Variants in MED20 observed in about 807,000 individuals in gnomAD.
The protein encoded by MED20 is mediator of RNA polymerase II transcription subunit 20.
In MED20, 19 loss-of-function variants were observed where a neutral mutation model predicts 19.7. That is an observed-to-expected ratio of 0.96 (90% CI 0.67 to 1.42). The LOEUF (loss-of-function observed/expected upper bound fraction) is 1.42. MED20 is among the 40% of genes most tolerant of loss of function. The pLI is 0.00. For missense variants in MED20, 225 were observed against 273.0 expected (o/e 0.82, Z 1.24); for synonymous variants, 105 against 104.8 (o/e 1.00, Z -0.01).
chr6:41,914,227 G>T (rs1452455883), intron 2 of MED20, among the ~76,000 whole-genome samples: 1 of 152,218 alleles, frequency 6.6e-6, no homozygotes, highest in East Asian at 1.9e-4. Context: ...GGGCTGCCTA[G>T]CAGAAGCTAG....
intron 3 of MED20, 135 bp from the exon 4 acceptor site, chr6:41,907,422 TC>T: frequency 1.3e-6 from 1 of 774,368 alleles, no homozygotes; most frequent in Non-Finnish European, 2.0e-6. Context: ...ACAGTATTGG[TC>T]CACAGGAAAC....
intron 2 of MED20, 116 bp from the exon 3 acceptor site, chr6:41,909,638 G>C: frequency 6.9e-7 from 1 of 1,453,980 alleles, no homozygotes; most frequent in Non-Finnish European, 9.4e-7. Context: ...TACCTCAGCA[G>C]TTCTTGGTTG....
At position 41,909,581 on chromosome 6, in the gene MED20, G is replaced by C. The variant is rs76092294; in HGVS notation, c.170-59C>G. The C allele has an allele frequency of 3.2e-4, 511 of 1,585,000 alleles. 2 individuals are homozygous for C. In the African/African-American group the frequency reaches 5.8e-3, roughly 18 times the overall value. ...ACTTTCACTGGCAAACCCCAGAGTA[G>C]AGTCAAATGACTCCCCCCGGAATGA... is the stretch of plus-strand genomic sequence containing the variant. On this transcript the variant is annotated intron_variant, in intron 2 of 3. Coordinates refer to ENST00000265350, the MANE Select transcript of MED20 (RefSeq NM_004275.5).
Position 41,911,848 on chromosome 6 carries a change from G to A in MED20, c.170-2326C>T, listed in dbSNP as rs180963553. Among the ~76,000 whole-genome samples the A allele has an allele frequency of 2.8e-4, 43 of 151,936 alleles. No homozygotes were observed. The East Asian group carries it at 7.2e-3, about 25-fold the overall frequency. On this transcript the variant is annotated intron_variant, in intron 2 of 3. Transcript: ENST00000265350. ...TTCTAAATCCAGTTCCAAACTTCTC[G>A]ACTCTGAAGAAAAAAATCCATCCAA...
chr6:41,913,642 G>A (rs1775248457), intron 2 of MED20, among the ~76,000 whole-genome samples: 1 of 152,164 alleles, frequency 6.6e-6, no homozygotes, highest in East Asian at 1.9e-4. Flanking sequence ...GCTCATGCCT[G>A]TAATCCTAGC....
intron 2 of MED20, 28 bp from the exon 3 acceptor site, chr6:41,909,550 A>G: frequency 5.6e-6 from 9 of 1,607,038 alleles, no homozygotes; most frequent in Non-Finnish European, 6.0e-6. Flanking sequence ...CCTATTCATC[A>G]TCAAGACTTT....
chr6:41,909,265 T>G lies in MED20; in HGVS notation c.423+4A>C. 6.2e-7 allele frequency: 1 copy of G among 1,612,942 alleles called. No homozygotes were observed. Among genetic ancestry groups the G allele is most frequent in the African/African-American group, 1.3e-5 (1 of 74,920 alleles). On this transcript the variant is annotated splice_donor_region_variant and intron_variant, in intron 3 of 3. Coordinates refer to ENST00000265350, the MANE Select transcript of MED20 (RefSeq NM_004275.5). ...TCCTGCTCCTATTTTCACCAAGGTC[T>G]TACCTCCACAGAGATGCCCCGGGCA... is the stretch of plus-strand genomic sequence containing the variant.
chr6:41,918,641 G>T (rs551358611), intron 1 of MED20, among the ~76,000 whole-genome samples: 1 of 149,674 alleles, frequency 6.7e-6, no homozygotes, highest in African/African-American at 2.5e-5. Context: ...GTGAAACCCC[G>T]TCTCTACCAA....
intron 2 of MED20, among the ~76,000 whole-genome samples, chr6:41,911,897 G>A (rs1364833479): frequency 1.3e-5 from 2 of 152,160 alleles, no homozygotes; most frequent in Non-Finnish European, 2.9e-5. Flanking sequence ...ATTCTGTTCT[G>A]TCTACTCACT....
Position 41,916,951 on chromosome 6 carries a change from A to C in MED20, c.15-12T>G. On this transcript the variant is annotated splice_polypyrimidine_tract_variant and intron_variant, in intron 1 of 3. Transcript: ENST00000265350. ...GCATCTGGGACACACTGGAAAGGAG[A>C]GCACCAAATCGTCAGTTATCCAGAG... The C allele has an allele frequency of 6.2e-7, 1 of 1,613,602 alleles. No homozygotes were observed.
intron 1 of MED20, among the ~76,000 whole-genome samples, chr6:41,918,472 C>A (rs553829206): frequency 1.2e-4 from 18 of 150,222 alleles, no homozygotes; most frequent in African/African-American, 4.2e-4. Flanking sequence ...CCACTGCCCT[C>A]CAGCCTGGAC....
chr6:41,917,034 CA>C, intron 1 of MED20, 95 bp from the exon 2 acceptor site: 1 of 1,303,034 alleles, frequency 7.7e-7, no homozygotes, highest in South Asian at 1.4e-5. Context: ...TCATCAGGGC[CA>C]AAAGTTATCT....
At chr6:41,920,815 T>C (rs1582067537) in intron 1 of MED20, 190 bp downstream of exon 1, 1 of 584,320 alleles carries the variant, frequency 1.7e-6, no homozygotes, top group South Asian at 3.4e-5. Flanking sequence ...CTTTCCCGCC[T>C]TCCAAGAGGA....
rs1275114550 is a variant in MED20, at chr6:41,906,164, T to C, written c.*908A>G. ...AGATAAGAGGTTCTATGTCCCAGCA[T>C]CTCTTTCAGCAAAGTGTGGCCACAG... is the stretch of plus-strand genomic sequence containing the variant. On this transcript the variant is annotated 3_prime_UTR_variant, in exon 4 of 4. Coordinates refer to ENST00000265350, the MANE Select transcript of MED20 (RefSeq NM_004275.5). 6.6e-6 allele frequency: 1 copy of C among 152,212 alleles called. No individual in the cohort carries two copies. Among genetic ancestry groups the C allele is most frequent in the Non-Finnish European group, 1.5e-5 (1 of 68,042 alleles). The allele number at this position is 152,212 out of a possible 1,614,324, so 9.4% of individuals were successfully genotyped here. A position where few individuals can be genotyped will look rare whatever the true frequency, so the allele number is the denominator to read the frequency against.
At chr6:41,911,023 C>T (rs1264237350) in intron 2 of MED20, among the ~76,000 whole-genome samples, 1 of 150,992 alleles carries the variant, frequency 6.6e-6, no homozygotes, top group Admixed American at 6.6e-5. Context: ...GCAGGAGAAG[C>T]GCTTGAACCC....
rs1775325212 is a variant in MED20 at position 41,916,786 on chromosome 6, T to C, written c.168A>G (p.Gln56=). ...YHTAASTLGS[Q]GQTGKLMYVM... Reference sequence around the variant, plus strand: ...ATCCTACAGACCCATCTCACTGACCTTGGCTGCCAAGGGTAGAGGCGGCCG... The same window carrying C: ...ATCCTACAGACCCATCTCACTGACCCTGGCTGCCAAGGGTAGAGGCGGCCG... Residue 56 remains glutamine (Q), a splice_region_variant and synonymous_variant, in exon 2 of 4, where the codon CAA becomes CAG. Transcript: ENST00000265350. The C allele has an allele frequency of 6.2e-7, 1 of 1,613,958 alleles. No individual in the cohort carries two copies. The highest frequency in any genetic ancestry group is 8.5e-7 in the Non-Finnish European group (1 of 1,179,896).
chr6:41,912,471 C>T (rs1194868926), intron 2 of MED20, among the ~76,000 whole-genome samples: 1 of 151,032 alleles, frequency 6.6e-6, no homozygotes, highest in Non-Finnish European at 1.5e-5. Flanking sequence ...ATTCTCCTGC[C>T]TCAGACTCCT....
intron 1 of MED20, among the ~76,000 whole-genome samples, chr6:41,919,128 C>CAAAAAAAA (rs35512146): frequency 2.2e-5 from 1 of 44,890 alleles, no homozygotes; most frequent in Non-Finnish European, 4.4e-5. Context: ...GACTCTGCCT[C>CAAAAAAAA]AAAAAAAAAA....
chr6:41,908,001 G>C (rs543572136), intron 3 of MED20, among the ~76,000 whole-genome samples: 2 of 152,266 alleles, frequency 1.3e-5, no homozygotes, highest in African/African-American at 2.4e-5. Flanking sequence ...AAGCCGAAAG[G>C]GTTAGAAGTC....
Sources: allele counts gnomAD v4.1 joint callset (sites outside exome capture counted in the v4.1 genomes callset), GRCh38; gene constraint gnomAD v4.1.1; transcripts MANE v1.5; gene names NCBI Gene and HGNC (gene_info 2026-07-23, HGNC 2026-07-21).